Variants in CCDC7 observed in about 807,000 individuals in gnomAD.
CCDC7 encodes coiled-coil domain containing 7.
In CCDC7, 183 loss-of-function variants were observed where a neutral mutation model predicts 196.9. The ratio of observed to expected loss-of-function variants is 0.93; its 90% CI spans 0.82 to 1.05. CCDC7 has a LOEUF of 1.05. CCDC7 is among the 50% of genes least tolerant of loss of function. The pLI is 0.00. For synonymous variants in CCDC7, 525 were observed against 484.6 expected, an observed-to-expected ratio of 1.08 and a Z score of -1.10; for missense variants, 1,540 against 1,482.2, an observed-to-expected ratio of 1.04 and a Z score of -0.64.
chr10:32,596,825 C>A (rs986745126), intron 18 of CCDC7, among the ~76,000 whole-genome samples: 5 of 152,140 alleles, frequency 3.3e-5, no homozygotes, highest in African/African-American at 4.8e-5. Flanking sequence ...GTTGAAAATT[C>A]TTTTCTTTAA....
chr10:32,499,328 T>C (rs1040064308), intron 9 of CCDC7: 2 of 152,118 alleles, frequency 1.3e-5, no homozygotes, highest in African/African-American at 2.4e-5. Context: ...TGGACAATGT[T>C]TGCAATTCTA....
intron 28 of CCDC7, among the ~76,000 whole-genome samples, chr10:32,747,088 C>A (rs1170564526): frequency 6.6e-6 from 1 of 152,176 alleles, no homozygotes; most frequent in Non-Finnish European, 1.5e-5. Flanking sequence ...GACTGGGAGA[C>A]CCTTGGCCCC....
chr10:32,593,939 T>G (rs1395287135), intron 18 of CCDC7, among the ~76,000 whole-genome samples: 1 of 152,206 alleles, frequency 6.6e-6, no homozygotes, highest in African/African-American at 2.4e-5. Flanking sequence ...CCATGCTGTT[T>G]TGGTTACTGT....
At chr10:32,767,893 CA>C (rs1023164171) in intron 28 of CCDC7, among the ~76,000 whole-genome samples, 7 of 151,980 alleles carry the variant, frequency 4.6e-5, no homozygotes, top group African/African-American at 9.7e-5. Flanking sequence ...AGAAATATAT[CA>C]GAGAAATTTA....
At chr10:32,659,748 A>G (rs2070827196) in intron 20 of CCDC7, among the ~76,000 whole-genome samples, 8 of 152,234 alleles carry the variant, frequency 5.3e-5, no homozygotes, top group Admixed American at 5.2e-4. Flanking sequence ...ACTGATCATT[A>G]GAGAAATGCA....
intron 5 of CCDC7, among the ~76,000 whole-genome samples, chr10:32,469,163 G>A (rs981818837): frequency 6.6e-6 from 1 of 152,120 alleles, no homozygotes; most frequent in South Asian, 2.1e-4. Context: ...GTGATGTATC[G>A]AGAGTCTAAT....
At chr10:32,533,563 T>C (rs1343594325) in intron 11 of CCDC7, among the ~76,000 whole-genome samples, 1 of 152,072 alleles carries the variant, frequency 6.6e-6, no homozygotes, top group Non-Finnish European at 1.5e-5. Flanking sequence ...AGAACTCCCT[T>C]TAGCATTTTT....
At chr10:32,706,675 G>C (rs933797677) in intron 24 of CCDC7, among the ~76,000 whole-genome samples, 1 of 150,644 alleles carries the variant, frequency 6.6e-6, no homozygotes, top group Non-Finnish European at 1.5e-5. Flanking sequence ...ACTACCATCA[G>C]AGAATACTGT....
At chr10:32,705,342 T>G (rs1295768940) in intron 24 of CCDC7, among the ~76,000 whole-genome samples, 2 of 151,974 alleles carry the variant, frequency 1.3e-5, no homozygotes. Flanking sequence ...AAGGAACAAC[T>G]GGTACCATCC....
At chr10:32,639,508 C>T (rs2066310092) in intron 20 of CCDC7, among the ~76,000 whole-genome samples, 1 of 152,074 alleles carries the variant, frequency 6.6e-6, no homozygotes, top group African/African-American at 2.4e-5. Flanking sequence ...ACCCAGTAGT[C>T]ATTCAGGAGC....
At chr10:32,733,498 AAGT>A (rs1427573372) in intron 28 of CCDC7, among the ~76,000 whole-genome samples, 1 of 152,128 alleles carries the variant, frequency 6.6e-6, no homozygotes, top group African/African-American at 2.4e-5. Flanking sequence ...TGGAAACACT[AAGT>A]AGTATGATAA....
intron 9 of CCDC7, among the ~76,000 whole-genome samples, chr10:32,497,175 G>A (rs887009731): frequency 3.3e-5 from 5 of 152,170 alleles, no homozygotes; most frequent in Non-Finnish European, 5.9e-5. Context: ...TAGTTTATTT[G>A]TGTAGAGGTG....
chr10:32,743,739 C>T (rs2074197937), intron 28 of CCDC7, among the ~76,000 whole-genome samples: 1 of 151,986 alleles, frequency 6.6e-6, no homozygotes, highest in African/African-American at 2.4e-5. Flanking sequence ...GGAACCAACC[C>T]AAATGTCCAT....
At chr10:32,729,086 C>G in intron 27 of CCDC7, 89 bp downstream of exon 28, 1 of 952,462 alleles carries the variant, frequency 1.0e-6, no homozygotes, top group Non-Finnish European at 1.6e-6. Context: ...GTACTTCAGA[C>G]TATATTTCAT....
chr10:32,749,521 G>A (rs116052676), intron 28 of CCDC7, among the ~76,000 whole-genome samples: 3,112 of 152,172 alleles, frequency 0.02, 129 homozygotes, highest in African/African-American at 0.071. Context: ...TATACACTGA[G>A]GAGAACTATT....
chr10:32,828,492 G>GAAGAAGAAGAAGAAGAAC (rs2091651132), intron 32 of CCDC7, among the ~76,000 whole-genome samples: 1 of 89,924 alleles, frequency 1.1e-5, no homozygotes, highest in Non-Finnish European at 2.3e-5. Context: ...AGAGGAAGAA[G>GAAGAAGAAGAAGAAGAAC]AAGAAGAAGA....
chr10:32,698,453 GA>G (rs763341365), intron 24 of CCDC7, among the ~76,000 whole-genome samples: 6 of 151,972 alleles, frequency 3.9e-5, no homozygotes, highest in Non-Finnish European at 8.8e-5. Context: ...TAAAAACCTT[GA>G]AAAAAAGATT....
intron 29 of CCDC7, among the ~76,000 whole-genome samples, chr10:32,785,058 G>A (rs1489681451): frequency 6.6e-6 from 1 of 152,096 alleles, no homozygotes; most frequent in African/African-American, 2.4e-5. Flanking sequence ...GAACTGTGCA[G>A]AATTTATGGA....
chr10:32,561,578 G>A (rs201913918), intron 13 of CCDC7, among the ~76,000 whole-genome samples: 13,465 of 151,918 alleles, frequency 0.089, 839 homozygotes, highest in East Asian at 0.33. Flanking sequence ...TGAAGGCAGA[G>A]ATAAAGATGT....
Sources: allele counts gnomAD v4.1 joint callset (sites outside exome capture counted in the v4.1 genomes callset), GRCh38; gene constraint gnomAD v4.1.1; transcripts MANE v1.5; gene names NCBI Gene and HGNC (gene_info 2026-07-23, HGNC 2026-07-21).